NRG1: variants seen among roughly 807,000 people sequenced by gnomAD.
The protein encoded by NRG1 is neuregulin 1.
Under a neutral mutation model 63.8 loss-of-function variants are expected in NRG1, and 18 were observed. That is an observed-to-expected ratio of 0.28 (90% CI 0.19 to 0.42). NRG1 has a LOEUF of 0.42. NRG1 is among the 10% of genes least tolerant of loss of function. The pLI is 1.00. For synonymous variants in NRG1, 302 were observed against 301.3 expected, an observed-to-expected ratio of 1.00 and a Z score of -0.02; for missense variants, 762 against 814.7, an observed-to-expected ratio of 0.94 and a Z score of 0.79.
At chr8:32,040,382 G>C (rs1237841398) in intron 1 of NRG1, among the ~76,000 whole-genome samples, 1 of 152,108 alleles carries the variant, frequency 6.6e-6, no homozygotes, top group Non-Finnish European at 1.5e-5. Context: ...ACATTATTGT[G>C]TTTTAAAAAG....
intron 1 of NRG1, among the ~76,000 whole-genome samples, chr8:32,128,516 A>G (rs1284251615): frequency 6.6e-6 from 1 of 151,900 alleles, no homozygotes; most frequent in Non-Finnish European, 1.5e-5. Context: ...TTTCCTCTTC[A>G]GTTTGGTGGA....
intron 7 of NRG1, among the ~76,000 whole-genome samples, chr8:32,751,638 C>G (rs1828753351): frequency 6.6e-6 from 1 of 152,138 alleles, no homozygotes; most frequent in African/African-American, 2.4e-5. Context: ...CTGGTCAATG[C>G]TGATGTGAAT....
chr8:31,724,510 GA>G (rs1374797938), intron 1 of NRG1, among the ~76,000 whole-genome samples: 1 of 152,100 alleles, frequency 6.6e-6, no homozygotes, highest in Non-Finnish European at 1.5e-5. Flanking sequence ...TGCTTTCCAA[GA>G]GTTTAGTTTG....
intron 9 of NRG1, among the ~76,000 whole-genome samples, chr8:32,759,071 C>A (rs1830201331): frequency 6.6e-6 from 1 of 151,004 alleles, no homozygotes; most frequent in East Asian, 1.9e-4. Flanking sequence ...ATTGGATGCA[C>A]ATCCAGAGAG....
chr8:31,766,408 G>A (rs1340518203), intron 1 of NRG1, among the ~76,000 whole-genome samples: 2 of 152,126 alleles, frequency 1.3e-5, no homozygotes, highest in Admixed American at 6.6e-5. Flanking sequence ...AGAGAAAAGT[G>A]TATATGTTTT....
intron 1 of NRG1, among the ~76,000 whole-genome samples, chr8:32,292,401 T>C (rs1477020232): frequency 6.6e-6 from 1 of 152,188 alleles, no homozygotes; most frequent in Non-Finnish European, 1.5e-5. Flanking sequence ...AAGAAAACCA[T>C]ATGTGATAGA....
chr8:31,963,828 G>T (rs1481410711), intron 1 of NRG1, among the ~76,000 whole-genome samples: 1 of 152,180 alleles, frequency 6.6e-6, no homozygotes, highest in Non-Finnish European at 1.5e-5. Flanking sequence ...GGTTGAGAGA[G>T]CTCAGCAGTA....
chr8:32,267,064 G>A (rs911943005), intron 1 of NRG1, among the ~76,000 whole-genome samples: 4 of 139,960 alleles, frequency 2.9e-5, no homozygotes, highest in Non-Finnish European at 6.2e-5. Context: ...AAGAAAGAAA[G>A]AAAAAAAGAA....
intron 1 of NRG1, among the ~76,000 whole-genome samples, chr8:32,309,797 G>A (rs890742455): frequency 2.1e-4 from 32 of 152,162 alleles, no homozygotes; most frequent in Admixed American, 9.2e-4. Flanking sequence ...TGGTGACACC[G>A]ATCTTGAAGC....
chr8:31,685,021 T>C (rs1808739812), intron 1 of NRG1, among the ~76,000 whole-genome samples: 1 of 152,200 alleles, frequency 6.6e-6, no homozygotes, highest in East Asian at 1.9e-4. Flanking sequence ...ATCTCCTACG[T>C]ATTTTCATTC....
chr8:32,709,891 C>T lies in NRG1; in HGVS notation c.503-18058C>T, dbSNP rs145445722. On this transcript the variant is annotated intron_variant, in intron 5 of 11. Transcript: ENST00000356819. ...GATGAAAATTACACAAATTAACTCA[C>T]ATTTTACATTGTTCTTCCAATTTTG... Among the ~76,000 whole-genome samples the T allele has an allele frequency of 1.5e-3, 236 of 152,290 alleles. 8 individuals are homozygous for T. In the East Asian group the frequency reaches 0.042, roughly 27 times the overall value.
At chr8:32,189,885 G>C (rs563605295) in intron 1 of NRG1, among the ~76,000 whole-genome samples, 1 of 152,070 alleles carries the variant, frequency 6.6e-6, no homozygotes, top group Non-Finnish European at 1.5e-5. Flanking sequence ...GTTATAGAAG[G>C]ATCTAGTAGA....
chr8:32,536,954 G>C (rs1241947195), intron 1 of NRG1, among the ~76,000 whole-genome samples: 1 of 101,768 alleles, frequency 9.8e-6, no homozygotes, highest in South Asian at 3.3e-4. Flanking sequence ...AAAAAATTCT[G>C]TTTGTCGGCC....
chr8:31,876,549 A>G (rs1829939105), intron 1 of NRG1, among the ~76,000 whole-genome samples: 1 of 152,218 alleles, frequency 6.6e-6, no homozygotes, highest in African/African-American at 2.4e-5. Flanking sequence ...GGTGAATGGA[A>G]GAGTAAATAA....
intron 1 of NRG1, among the ~76,000 whole-genome samples, chr8:32,168,659 A>G (rs549148620): frequency 1.3e-5 from 2 of 152,308 alleles, no homozygotes; most frequent in Admixed American, 1.3e-4. Context: ...AGTTTCTAAA[A>G]CATAAAATCC....
rs187215940 is a variant in NRG1, at chr8:31,867,636, A to T, written c.37+228205A>T. On this transcript the variant is annotated intron_variant, in intron 1 of 10. Coordinates refer to the NRG1 transcript ENST00000519301. ...AGTAATAAAGATACCTGAGTTGGGA[A>T]TGTTTAGGTATCACCAAATATTAGC... is the stretch of plus-strand genomic sequence containing the variant. Among the ~76,000 whole-genome samples the T allele has an allele frequency of 5.1e-4, 77 of 152,262 alleles. 1 individual carries two copies. Among genetic ancestry groups the T allele is most frequent in the African/African-American group, 1.6e-3 (67 of 41,578 alleles).
intron 1 of NRG1, among the ~76,000 whole-genome samples, chr8:32,205,219 T>A (rs2132328489): frequency 6.6e-6 from 1 of 152,344 alleles, no homozygotes; most frequent in African/African-American, 2.4e-5. Context: ...TGGGTTTTTT[T>A]ATATTTTACA....
intron 1 of NRG1, among the ~76,000 whole-genome samples, chr8:31,789,622 G>A (rs1820502026): frequency 1.3e-5 from 2 of 152,196 alleles, no homozygotes; most frequent in South Asian, 2.1e-4. Flanking sequence ...GAGGAAAGTT[G>A]TGCAAGTTTG....
chr8:32,242,986 G>C (rs1408478595), intron 1 of NRG1, among the ~76,000 whole-genome samples: 1 of 152,124 alleles, frequency 6.6e-6, no homozygotes, highest in Non-Finnish European at 1.5e-5. Context: ...GGCAGCTTTG[G>C]TTCCTTCTGA....
Sources: allele counts gnomAD v4.1 joint callset (sites outside exome capture counted in the v4.1 genomes callset), GRCh38; gene constraint gnomAD v4.1.1; transcripts MANE v1.5; gene names NCBI Gene and HGNC (gene_info 2026-07-23, HGNC 2026-07-21).